The following PLPP4 variants were observed in gnomAD, a reference collection of about 807,000 sequenced individuals.
PLPP4 encodes diacylglycerol pyrophosphate like 2.
Under a neutral mutation model 32.2 loss-of-function variants are expected in PLPP4, and 20 were observed. The observed-to-expected ratio is 0.62, with a 90% CI of 0.44 to 0.90. PLPP4 has a LOEUF of 0.90. PLPP4 is among the 40% of genes least tolerant of loss of function. The probability of loss-of-function intolerance (pLI) is 0.00; values close to 1 mark genes in which losing one functional copy is unlikely to be tolerated. For missense variants in PLPP4, 257 were observed against 353.1 expected (o/e 0.73, Z 2.18); for synonymous variants, 127 against 133.0 (o/e 0.95, Z 0.31).
In PLPP4 at chr10:120,503,665, A is replaced by G. The variant is rs1375729830; in HGVS notation, c.57-153A>G. On this transcript the variant is annotated intron_variant, in intron 1 of 6. Transcript: ENST00000398250. ...CTTTCAGTCCTTCCCAAGCCTTTGAACCAGCTGAGAACTGACAGCAGGGCC... is the reference window on the plus strand; with the variant it reads ...CTTTCAGTCCTTCCCAAGCCTTTGAGCCAGCTGAGAACTGACAGCAGGGCC... 3.1e-6 allele frequency: 5 copies of G among 1,594,598 alleles called. No homozygotes were observed. In the African/African-American group the frequency reaches 5.4e-5, roughly 17 times the overall value.
At chr10:120,509,117 C>T (rs936505130) in intron 2 of PLPP4, among the ~76,000 whole-genome samples, 1 of 152,210 alleles carries the variant, frequency 6.6e-6, no homozygotes, top group Non-Finnish European at 1.5e-5. Flanking sequence ...TCCCATCAAG[C>T]TCTAGAGAGC....
chr10:120,499,551 G>A (rs1426545918), intron 1 of PLPP4, among the ~76,000 whole-genome samples: 1 of 152,126 alleles, frequency 6.6e-6, no homozygotes, highest in Non-Finnish European at 1.5e-5. Flanking sequence ...TAGGTCTGGG[G>A]TGGGGCTGGA....
chr10:120,471,591 A>G (rs1158830644), intron 1 of PLPP4, among the ~76,000 whole-genome samples: 1 of 152,070 alleles, frequency 6.6e-6, no homozygotes, highest in Admixed American at 6.5e-5. Flanking sequence ...TGCACAGGTT[A>G]TCTTTTTCCA....
chr10:120,564,919 T>C (rs1848615830), intron 5 of PLPP4, among the ~76,000 whole-genome samples: 1 of 152,196 alleles, frequency 6.6e-6, no homozygotes, highest in Non-Finnish European at 1.5e-5. Context: ...TAAAGCCTTA[T>C]TCGTATATTC....
At chr10:120,505,182 C>T (rs1051055123) in intron 2 of PLPP4, among the ~76,000 whole-genome samples, 3 of 152,178 alleles carry the variant, frequency 2.0e-5, no homozygotes, top group Admixed American at 6.5e-5. Flanking sequence ...GGGAACTTGC[C>T]CAAGGTCACA....
At chr10:120,539,999 TAAAA>T (rs11386207) in intron 5 of PLPP4, among the ~76,000 whole-genome samples, 1 of 143,024 alleles carries the variant, frequency 7.0e-6, no homozygotes. Context: ...AGTAAACTTG[TAAAA>T]AAAAAAAAAA....
chr10:120,562,630 A>G (rs936446454), intron 5 of PLPP4, among the ~76,000 whole-genome samples: 3 of 152,226 alleles, frequency 2.0e-5, no homozygotes, highest in Non-Finnish European at 4.4e-5. Flanking sequence ...TGTACATCAA[A>G]AAAAAGTGAT....
At position 120,589,357 on chromosome 10, in the gene PLPP4, A is replaced by T; in HGVS notation, c.671A>T (p.Gln224Leu). The change falls in exon 7 of 7, where the codon CAG becomes CTG. Residue 224 changes from glutamine (Q) to leucine (L), a missense_variant. Transcript: ENST00000398250. Reference protein sequence around the residue: ...GLIFAYICYRQHYPPLANTAC... With the variant: ...GLIFAYICYRLHYPPLANTAC... ...ATTTTTGCATACATTTGCTACAGAC[A>T]GCACTATCCTCCTCTGGCCAACACA... The T allele has an allele frequency of 2.5e-6, 4 of 1,614,212 alleles. No homozygotes were observed. The highest frequency in any genetic ancestry group is 3.4e-6 in the Non-Finnish European group (4 of 1,180,034).
At chr10:120,481,740 T>G (rs762339609) in intron 1 of PLPP4, among the ~76,000 whole-genome samples, 4 of 152,244 alleles carry the variant, frequency 2.6e-5, no homozygotes, top group Non-Finnish European at 4.4e-5. Flanking sequence ...GGGCATCTGA[T>G]GCTGAGATTC....
chr10:120,517,825 C>T (rs1020109260), intron 3 of PLPP4, among the ~76,000 whole-genome samples: 1 of 152,216 alleles, frequency 6.6e-6, no homozygotes, highest in African/African-American at 2.4e-5. Flanking sequence ...TTGTCTCTCT[C>T]GATGGGCCAT....
chr10:120,538,052 C>CTCTGTGTGTG (rs1847142984), intron 5 of PLPP4, among the ~76,000 whole-genome samples: 5 of 18,990 alleles, frequency 2.6e-4, no homozygotes, highest in Admixed American at 7.8e-4. Flanking sequence ...CTCTCTCTCT[C>CTCTGTGTGTG]TGTGTGTGTG....
At chr10:120,478,305 G>A (rs1844028942) in intron 1 of PLPP4, among the ~76,000 whole-genome samples, 1 of 152,218 alleles carries the variant, frequency 6.6e-6, no homozygotes, top group Non-Finnish European at 1.5e-5. Context: ...GTTTCCCCAG[G>A]TGCAGCTTCC....
chr10:120,538,090 A>T, intron 5 of PLPP4, among the ~76,000 whole-genome samples: 1 of 37,746 alleles, frequency 2.6e-5, no homozygotes, highest in Non-Finnish European at 5.7e-5. Flanking sequence ...GTGTGTTTTC[A>T]GATTCATATC....
chr10:120,474,690 A>C (rs542825114), intron 1 of PLPP4, among the ~76,000 whole-genome samples: 1 of 152,328 alleles, frequency 6.6e-6, no homozygotes, highest in Admixed American at 6.5e-5. Context: ...AAAAAAAATC[A>C]TATTGTTCAT....
chr10:120,550,208 C>G (rs1482994488), intron 5 of PLPP4, among the ~76,000 whole-genome samples: 2 of 151,782 alleles, frequency 1.3e-5, no homozygotes, highest in East Asian at 3.9e-4. Context: ...TTTAAAGTAC[C>G]ATTTATAGGT....
rs548698531 is a variant in PLPP4 at position 120,564,766 on chromosome 10, A to T, written c.446-10365A>T. Among the ~76,000 whole-genome samples the T allele has an allele frequency of 2.2e-3, 335 of 152,066 alleles. 3 individuals carry two copies. The highest frequency in any genetic ancestry group is 3.4e-3 in the Non-Finnish European group (230 of 67,936). On this transcript the variant is annotated intron_variant, in intron 5 of 6. Transcript: ENST00000398250. ...TTACCATAAAGACAATCAAACATTA[A>T]TATTTATACAGAATTGTATTCATTA... is the stretch of plus-strand genomic sequence containing the variant.
intron 1 of PLPP4, among the ~76,000 whole-genome samples, chr10:120,471,957 C>G (rs1409770087): frequency 6.6e-6 from 1 of 151,984 alleles, no homozygotes; most frequent in Non-Finnish European, 1.5e-5. Context: ...CCATCATCTT[C>G]CCTGTGTCAT....
chr10:120,514,976 A>G (rs1845878914), intron 3 of PLPP4, among the ~76,000 whole-genome samples: 1 of 152,156 alleles, frequency 6.6e-6, no homozygotes, highest in South Asian at 2.1e-4. Flanking sequence ...ATGTAGCAAA[A>G]TATGATCCTC....
chr10:120,502,007 C>CCCTGAGAGGGCAT (rs1001163060), intron 1 of PLPP4, among the ~76,000 whole-genome samples: 2 of 152,146 alleles, frequency 1.3e-5, no homozygotes, highest in Non-Finnish European at 2.9e-5. Flanking sequence ...AGAGCTGATG[C>CCCTGAGAGGGCAT]CCAGAGAGGG....
Sources: allele counts gnomAD v4.1 joint callset (sites outside exome capture counted in the v4.1 genomes callset), GRCh38; gene constraint gnomAD v4.1.1; transcripts MANE v1.5; gene names NCBI Gene and HGNC (gene_info 2026-07-23, HGNC 2026-07-21).